The following TCN2 variants were observed in gnomAD, a reference collection of about 807,000 sequenced individuals.
TCN2 encodes the protein transcobalamin-2.
Under a neutral mutation model 48.6 loss-of-function variants are expected in TCN2, and 34 were observed. The observed-to-expected ratio is 0.70, with a 90% CI of 0.53 to 0.93. The LOEUF is 0.93. Among genes scored for constraint, TCN2 ranks in the 40% least tolerant of loss-of-function variants. The probability of loss-of-function intolerance (pLI) is 0.00; values close to 1 mark genes in which losing one functional copy is unlikely to be tolerated. For synonymous variants in TCN2, 283 were observed against 212.5 expected (o/e 1.33, Z -2.89); for missense variants, 652 against 526.1 (o/e 1.24, Z -2.34).
At chr22:30,613,222 C>T (rs1262140939) in intron 3 of TCN2, among the ~76,000 whole-genome samples, 180 bp downstream of exon 3, 4 of 152,180 alleles carry the variant, frequency 2.6e-5, no homozygotes, top group Non-Finnish European at 5.9e-5. Flanking sequence ...CTTGACCCAG[C>T]TTTTCCCGCG....
At chr22:30,619,576 G>A (rs190769022) in intron 7 of TCN2, among the ~76,000 whole-genome samples, 2 of 152,268 alleles carry the variant, frequency 1.3e-5, no homozygotes, top group African/African-American at 4.8e-5. Flanking sequence ...TTATCAGTGG[G>A]GAGTCCAGCC....
At chr22:30,618,069 C>T (rs1022281717) in intron 7 of TCN2, among the ~76,000 whole-genome samples, 3 of 151,696 alleles carry the variant, frequency 2.0e-5, no homozygotes, top group South Asian at 4.2e-4. Context: ...CCTCAGCCTC[C>T]CAAATAGCTG....
chr22:30,610,777 A>C, intron 1 of TCN2, 94 bp from the exon 2 acceptor site: 1 of 1,342,504 alleles, frequency 7.4e-7, no homozygotes. Context: ...GGGTGAGGAC[A>C]TGTATTCTCT....
chr22:30,623,754 A>G (rs1427415682), intron 8 of TCN2, among the ~76,000 whole-genome samples: 1 of 81,266 alleles, frequency 1.2e-5, no homozygotes, highest in South Asian at 3.0e-4. Context: ...ACACACATAT[A>G]TATGTATATA....
rs1255641456 is a variant in TCN2 at position 30,615,689 on chromosome 22, G to A, written c.842G>A (p.Gly281Glu). ...GCTTTGCTGGCCAGTCTGCAGGATG[G>A]AGCCTTCCAGAATGCTCTCATGATT... ...RVALLASLQD[G>E]AFQNALMISQ... is the part of the protein sequence containing the mutation. The change falls in exon 6 of 9, where the codon GGA becomes GAA. Residue 281 changes from glycine to glutamate, a missense_variant. By Grantham distance (98) the Gly-to-Glu change is moderately conservative (BLOSUM62 -2). Coordinates refer to ENST00000215838, the MANE Select transcript of TCN2 (RefSeq NM_000355.4). The A allele has an allele frequency of 6.2e-7, 1 of 1,614,204 alleles. No homozygotes were observed. The highest frequency in any genetic ancestry group is 2.2e-5 in the East Asian group (1 of 44,876).
At chr22:30,609,589 AGG>A (rs5844914) in intron 1 of TCN2, among the ~76,000 whole-genome samples, 93,088 of 151,790 alleles carry the variant, frequency 0.61, 28,888 homozygotes, top group East Asian at 0.81. Flanking sequence ...AGAGGTGAGG[AGG>A]GGGGCAGATG....
intron 8 of TCN2, among the ~76,000 whole-genome samples, chr22:30,624,945 G>A (rs1046719268): frequency 2.0e-5 from 3 of 152,164 alleles, no homozygotes; most frequent in East Asian, 1.9e-4. Flanking sequence ...GGCCGGGTGC[G>A]GTGGCTCATG....
intron 8 of TCN2, chr22:30,623,312 CTA>C (rs1301323996): frequency 7.7e-6 from 4 of 516,354 alleles, no homozygotes; most frequent in Middle Eastern, 5.4e-4. Context: ...AAAAAAAAAA[CTA>C]GAAGAAAATT....
intron 8 of TCN2, among the ~76,000 whole-genome samples, chr22:30,625,355 C>T (rs1446522885): frequency 1.3e-5 from 2 of 151,962 alleles, no homozygotes; most frequent in Non-Finnish European, 2.9e-5. Context: ...TGTGTTCTCA[C>T]ATGGTGGAAG....
At chr22:30,611,383 AT>A (rs1375792302) in intron 2 of TCN2, among the ~76,000 whole-genome samples, 1 of 152,348 alleles carries the variant, frequency 6.6e-6, no homozygotes, top group African/African-American at 2.4e-5. Flanking sequence ...TGAGGCAGAT[AT>A]CACTAATCGA....
chr22:30,623,751 T>C lies in TCN2; in HGVS notation c.1222+668T>C, dbSNP rs1350599035. ...ATATGTATACATATATATACACACA[T>C]ATATATGTATATATATATACACACA... On this transcript the variant is annotated intron_variant, in intron 8 of 8. Transcript: ENST00000215838. Among the ~76,000 whole-genome samples, 17 of 81,698 alleles carry C rather than the reference T, an allele frequency of 2.1e-4. 7 individuals are homozygous for C. Among genetic ancestry groups the C allele is most frequent in the South Asian group, 9.2e-4 (3 of 3,268 alleles). The allele number at this position is 81,698 out of a possible 152,430, so 53.6% of individuals were successfully genotyped here. A position where few individuals can be genotyped will look rare whatever the true frequency, so the allele number is the denominator to read the frequency against.
chr22:30,613,136 C>T (rs1318277175), intron 3 of TCN2, 94 bp downstream of exon 3: 2 of 1,512,894 alleles, frequency 1.3e-6, no homozygotes, highest in East Asian at 2.4e-5. Context: ...GGTTTTCTCC[C>T]CAGGCGTCTT....
In TCN2 at chr22:30,615,266, T is replaced by C. The variant is rs749113762; in HGVS notation, c.581-35T>C. The stretch of plus-strand genomic sequence containing the variant: ...CTGCCTGTCCTGGCCCCTTTGGCTC[T>C]CCAGCTCATTGCATGTTCTGTCCCC... On this transcript the variant is annotated intron_variant, in intron 4 of 8. Coordinates refer to ENST00000215838, the MANE Select transcript of TCN2 (RefSeq NM_000355.4). 16 of 1,613,712 alleles carry C rather than the reference T, an allele frequency of 9.9e-6. No homozygotes were observed. The South Asian group carries it at 1.5e-4, about 16-fold the overall frequency.
chr22:30,607,244 G>C lies in TCN2; in HGVS notation c.-88G>C, dbSNP rs2145528653. The C allele has an allele frequency of 7.1e-7, 1 of 1,408,226 alleles. No individual in the cohort carries two copies. Among genetic ancestry groups the C allele is most frequent in the Non-Finnish European group, 1.0e-6 (1 of 993,654 alleles). 87.2% of individuals were successfully genotyped at this position (1,408,226 alleles called of 1,614,324 possible). On this transcript the variant is annotated 5_prime_UTR_variant, in exon 1 of 9. Coordinates refer to ENST00000215838, the MANE Select transcript of TCN2 (RefSeq NM_000355.4). Reference sequence around the variant, plus strand: ...AGGAAGCTGCGTCTCTCGGAGCGGTGACCAGCTGTGGTCAGGAGAGCCTCA... The same window carrying C: ...AGGAAGCTGCGTCTCTCGGAGCGGTCACCAGCTGTGGTCAGGAGAGCCTCA...
rs2087816187 is a variant in TCN2, at chr22:30,626,675, C to T, written c.*154C>T. The T allele has an allele frequency of 7.7e-5, 63 of 818,112 alleles. 1 individual carries two copies. In the South Asian group the frequency reaches 7.7e-4, roughly 10 times the overall value. The allele number at this position is 818,112 out of a possible 1,614,324, so 50.7% of individuals were successfully genotyped here. ...GGGATCACCCCAGCCACAAGCCCTT[C>T]GAGGGCCCTATACCATGGCCCACCT... On this transcript the variant is annotated 3_prime_UTR_variant, in exon 9 of 9. Transcript: ENST00000215838.
In TCN2 at chr22:30,615,784, C is replaced by A; in HGVS notation, c.937C>A (p.Arg313=). 1 of 1,614,204 alleles carries A rather than the reference C, an allele frequency of 6.2e-7. No homozygotes were observed. Among genetic ancestry groups the A allele is most frequent in the African/African-American group, 1.3e-5 (1 of 75,062 alleles). ...GATCTTCCCAGACTGTCTGGCACCA[C>A]GAGGTAGCCCAACTTTTTGTGGAAG... ...DLIFPDCLAP[R]VMLEPAAETI... The change falls in exon 6 of 9, where the codon CGA becomes AGA. Residue 313 remains arginine, a synonymous_variant. Transcript: ENST00000215838.
chr22:30,623,831 C>T (rs1193423029), intron 8 of TCN2, among the ~76,000 whole-genome samples: 446 of 32,798 alleles, frequency 0.014, 2 homozygotes, highest in Non-Finnish European at 0.019. Flanking sequence ...CATACACACA[C>T]ATATACACAC....
rs539987014 is a variant in TCN2, at chr22:30,617,447, C to G, written c.1058C>G (p.Ser353Cys). ...CAGTCCATCTCTGTTCTGGCCGGGT[C>G]CACCGTGGAAGATGTCCTGAAGAAG... Reference protein sequence around the residue: ...YRQSISVLAGSTVEDVLKKAH... With the variant: ...YRQSISVLAGCTVEDVLKKAH... Residue 353 changes from serine (S) to cysteine (C), a missense_variant, in exon 7 of 9, where the codon TCC (serine) becomes TGC (cysteine). Physicochemically the swap from Ser to Cys is moderately radical, Grantham distance 112. Transcript: ENST00000215838. 25 of 1,614,110 alleles carry G rather than the reference C, an allele frequency of 1.5e-5. No homozygotes were observed. The highest frequency in any genetic ancestry group is 4.4e-5 in the South Asian group (4 of 91,082).
chr22:30,614,288 T>TG (rs2145542483), intron 3 of TCN2, 61 bp from the exon 4 acceptor site: 1 of 1,587,690 alleles, frequency 6.3e-7, no homozygotes, highest in East Asian at 2.3e-5. Context: ...TCCCAGGTGC[T>TG]GGCGGGGCTG....
Sources: gnomAD v4.1 joint callset for allele counts (sites outside exome capture counted in the v4.1 genomes callset) on GRCh38, gnomAD v4.1.1 for gene constraint, MANE v1.5 for transcripts, NCBI Gene and HGNC (gene_info 2026-07-23, HGNC 2026-07-21) for gene names.